Variants in PRTFDC1 observed in about 807,000 individuals in gnomAD.
The protein encoded by PRTFDC1 is phosphoribosyl transferase domain containing 1, also known as phosphoribosyltransferase domain-containing protein 1.
Under a neutral mutation model 34.6 loss-of-function variants are expected in PRTFDC1, and 38 were observed. The ratio of observed to expected loss-of-function variants is 1.10; its 90% CI spans 0.85 to 1.44. PRTFDC1 has a LOEUF of 1.44. PRTFDC1 is among the 40% of genes most tolerant of loss of function. The probability of loss-of-function intolerance (pLI) is 0.00; values close to 1 mark genes in which losing one functional copy is unlikely to be tolerated. For synonymous variants in PRTFDC1, 93 were observed against 98.1 expected (o/e 0.95, Z 0.31); for missense variants, 270 against 283.0 (o/e 0.95, Z 0.33).
chr10:24,887,010 T>C (rs1410262080), intron 3 of PRTFDC1, among the ~76,000 whole-genome samples: 1 of 134,372 alleles, frequency 7.4e-6, no homozygotes, highest in Non-Finnish European at 1.6e-5. Context: ...GTCGCCCAGG[T>C]CGGACTGCGG....
chr10:24,871,098 T>C (rs1588581128), intron 4 of PRTFDC1, among the ~76,000 whole-genome samples: 2 of 149,808 alleles, frequency 1.3e-5, no homozygotes, highest in South Asian at 2.1e-4. Flanking sequence ...AAAGTCCTTG[T>C]GGCTCTATAG....
intron 1 of PRTFDC1, among the ~76,000 whole-genome samples, chr10:24,944,448 C>T (rs1373671898): frequency 1.3e-5 from 2 of 152,168 alleles, no homozygotes; most frequent in Non-Finnish European, 1.5e-5. Context: ...CCTGCTTCCA[C>T]TTTGCAGCCC....
intron 3 of PRTFDC1, among the ~76,000 whole-genome samples, chr10:24,904,318 T>G (rs558814214): frequency 1.3e-5 from 2 of 152,006 alleles, no homozygotes; most frequent in East Asian, 3.9e-4. Flanking sequence ...TTGCAAATAT[T>G]CTTATTATGA....
At chr10:24,886,297 G>A (rs1235659360) in intron 3 of PRTFDC1, among the ~76,000 whole-genome samples, 1 of 152,106 alleles carries the variant, frequency 6.6e-6, no homozygotes, top group Non-Finnish European at 1.5e-5. Context: ...AAAAAATGAA[G>A]TCTATTTTAA....
intron 3 of PRTFDC1, among the ~76,000 whole-genome samples, chr10:24,927,706 C>T (rs1255641481): frequency 6.6e-6 from 1 of 151,650 alleles, no homozygotes; most frequent in South Asian, 2.1e-4. Flanking sequence ...CTCAGCCTCC[C>T]GAGTAGCTGG....
intron 5 of PRTFDC1, among the ~76,000 whole-genome samples, chr10:24,857,612 G>A (rs1174610030): frequency 6.6e-6 from 1 of 152,310 alleles, no homozygotes; most frequent in African/African-American, 2.4e-5. Flanking sequence ...GTCATGAGCT[G>A]ATTATCAAAA....
intron 4 of PRTFDC1, among the ~76,000 whole-genome samples, chr10:24,859,352 C>T (rs909256835): frequency 6.6e-6 from 1 of 152,174 alleles, no homozygotes; most frequent in Non-Finnish European, 1.5e-5. Context: ...CTCCGCTTCC[C>T]GGGTTCAATC....
intron 3 of PRTFDC1, among the ~76,000 whole-genome samples, chr10:24,902,672 G>A (rs1423227212): frequency 6.6e-6 from 1 of 152,160 alleles, no homozygotes; most frequent in Non-Finnish European, 1.5e-5. Context: ...CAAATTCAGA[G>A]AACTGTCTTT....
intron 4 of PRTFDC1, among the ~76,000 whole-genome samples, chr10:24,864,575 T>C (rs2132501980): frequency 6.6e-6 from 1 of 152,344 alleles, no homozygotes; most frequent in South Asian, 2.1e-4. Context: ...CATTGTTTTT[T>C]AGCAATGAAG....
intron 3 of PRTFDC1, among the ~76,000 whole-genome samples, chr10:24,899,898 T>C (rs903726715): frequency 1.3e-5 from 2 of 152,170 alleles, no homozygotes; most frequent in East Asian, 1.9e-4. Flanking sequence ...TTTACAGATA[T>C]GGGTATCTGT....
chr10:24,912,640 T>C (rs901688257), intron 3 of PRTFDC1, among the ~76,000 whole-genome samples: 5 of 152,142 alleles, frequency 3.3e-5, no homozygotes, highest in Non-Finnish European at 5.9e-5. Flanking sequence ...GGATATAAGA[T>C]CTTTATCAGA....
chr10:24,897,814 G>T (rs1272468968), intron 3 of PRTFDC1, among the ~76,000 whole-genome samples: 4 of 152,182 alleles, frequency 2.6e-5, no homozygotes, highest in Non-Finnish European at 5.9e-5. Context: ...CAACTGTTTG[G>T]CAGGGAAATT....
At chr10:24,873,908 CTTT>C (rs77144373) in intron 3 of PRTFDC1, among the ~76,000 whole-genome samples, 1 of 140,006 alleles carries the variant, frequency 7.1e-6, no homozygotes, top group Admixed American at 7.2e-5. Flanking sequence ...AATTTTTTAC[CTTT>C]TTTTTTTTTT....
chr10:24,870,770 T>A (rs1847855759), intron 4 of PRTFDC1, among the ~76,000 whole-genome samples: 1 of 152,132 alleles, frequency 6.6e-6, no homozygotes, highest in Non-Finnish European at 1.5e-5. Flanking sequence ...TCTACTATGC[T>A]GTCTTCAGAG....
At chr10:24,883,241 T>A (rs1014171917) in intron 3 of PRTFDC1, among the ~76,000 whole-genome samples, 5 of 151,990 alleles carry the variant, frequency 3.3e-5, no homozygotes, top group African/African-American at 1.2e-4. Context: ...CCAAACATGA[T>A]GTGACTTTCT....
intron 3 of PRTFDC1, among the ~76,000 whole-genome samples, chr10:24,923,190 G>T (rs909273047): frequency 6.6e-6 from 1 of 152,218 alleles, no homozygotes; most frequent in Non-Finnish European, 1.5e-5. Flanking sequence ...AAGGCCTACC[G>T]CCTCTCTAGA....
chr10:24,871,337 A>T (rs1490401089), intron 4 of PRTFDC1, among the ~76,000 whole-genome samples: 1 of 152,188 alleles, frequency 6.6e-6, no homozygotes, highest in Non-Finnish European at 1.5e-5. Flanking sequence ...GCAAATGTGC[A>T]TTTCAAGTAA....
chr10:24,918,591 T>C (rs1848732017), intron 3 of PRTFDC1, among the ~76,000 whole-genome samples: 1 of 151,726 alleles, frequency 6.6e-6, no homozygotes, highest in Non-Finnish European at 1.5e-5. Context: ...AATTTTTAGA[T>C]TTTTGTAGAG....
chr10:24,932,697 T>A (rs967996567), intron 3 of PRTFDC1, among the ~76,000 whole-genome samples: 5 of 152,062 alleles, frequency 3.3e-5, no homozygotes, highest in Admixed American at 3.3e-4. Context: ...AGTGTTACAA[T>A]GTCAATTCCC....
Sources: gnomAD v4.1 joint callset for allele counts (sites outside exome capture counted in the v4.1 genomes callset) on GRCh38, gnomAD v4.1.1 for gene constraint, MANE v1.5 for transcripts, NCBI Gene and HGNC (gene_info 2026-07-23, HGNC 2026-07-21) for gene names.